Variants in CMSS1 observed in about 807,000 individuals in gnomAD.
CMSS1 encodes cms1 ribosomal small subunit homolog, also known as protein CMSS1.
CMSS1 carries 33 observed loss-of-function variants against 43.5 expected under a neutral mutation model. That is an observed-to-expected ratio of 0.76 (90% CI 0.57 to 1.01). CMSS1 has a LOEUF of 1.01. CMSS1 is among the 50% of genes least tolerant of loss of function. The pLI, the probability that CMSS1 is intolerant of heterozygous loss-of-function variation, is 0.00. For missense variants in CMSS1, 313 were observed against 326.4 expected, an observed-to-expected ratio of 0.96 and a Z score of 0.32; for synonymous variants, 115 against 117.2, an observed-to-expected ratio of 0.98 and a Z score of 0.12.
At chr3:99,879,643 C>G (rs1449905735) in intron 1 of CMSS1, among the ~76,000 whole-genome samples, 1 of 152,186 alleles carries the variant, frequency 6.6e-6, no homozygotes, top group African/African-American at 2.4e-5. Context: ...ATTTTCATTG[C>G]TGGTCCTTTG....
intron 1 of CMSS1, among the ~76,000 whole-genome samples, chr3:100,033,652 A>G (rs1338717326): frequency 3.3e-5 from 5 of 152,208 alleles, no homozygotes; most frequent in Admixed American, 1.3e-4. Flanking sequence ...TTAAATGGTC[A>G]GTAGGAAATT....
At chr3:99,876,388 G>A (rs548776713) in intron 1 of CMSS1, among the ~76,000 whole-genome samples, 1 of 152,144 alleles carries the variant, frequency 6.6e-6, no homozygotes, top group Non-Finnish European at 1.5e-5. Flanking sequence ...ATGAGTGGTG[G>A]GCCGGTGGGC....
At chr3:99,876,476 C>T (rs1484839965) in intron 1 of CMSS1, among the ~76,000 whole-genome samples, 1 of 152,232 alleles carries the variant, frequency 6.6e-6, no homozygotes, top group Non-Finnish European at 1.5e-5. Context: ...TTTTTTCCCT[C>T]TGGGTCCCTA....
chr3:100,129,489 G>A (rs982049012), intron 1 of CMSS1, among the ~76,000 whole-genome samples: 2 of 152,140 alleles, frequency 1.3e-5, no homozygotes, highest in Non-Finnish European at 1.5e-5. Flanking sequence ...TACTTAAGAG[G>A]ATATGTTAAG....
chr3:99,882,573 C>T (rs900578621), intron 1 of CMSS1, among the ~76,000 whole-genome samples: 18 of 152,234 alleles, frequency 1.2e-4, no homozygotes, highest in Non-Finnish European at 1.3e-4. Context: ...TTCTTATTGC[C>T]ACTCTCTGTT....
chr3:100,052,837 G>T (rs962579888), intron 1 of CMSS1, among the ~76,000 whole-genome samples: 5 of 152,064 alleles, frequency 3.3e-5, no homozygotes, highest in African/African-American at 1.2e-4. Context: ...ATTCATATTT[G>T]ATCTTGTTTT....
intron 1 of CMSS1, among the ~76,000 whole-genome samples, chr3:100,047,830 G>T (rs778667062): frequency 6.8e-6 from 1 of 147,050 alleles, no homozygotes; most frequent in African/African-American, 2.5e-5. Flanking sequence ...GAAGGCATTT[G>T]AAAAAAAAAA....
intron 1 of CMSS1, among the ~76,000 whole-genome samples, chr3:100,051,593 G>A (rs1213855992): frequency 2.8e-5 from 4 of 143,440 alleles, no homozygotes; most frequent in Non-Finnish European, 4.5e-5. Flanking sequence ...ACCTATGAGT[G>A]AGAACATGCA....
At chr3:100,079,321 C>A (rs2065897782) in intron 1 of CMSS1, among the ~76,000 whole-genome samples, 1 of 152,154 alleles carries the variant, frequency 6.6e-6, no homozygotes, top group Admixed American at 6.5e-5. Flanking sequence ...GAGGAAATAG[C>A]CTTCACTTCT....
chr3:99,865,269 G>A (rs1194491430), intron 1 of CMSS1, among the ~76,000 whole-genome samples: 1 of 152,190 alleles, frequency 6.6e-6, no homozygotes, highest in Non-Finnish European at 1.5e-5. Context: ...GTCCTGGTGA[G>A]TAATTGGCAG....
chr3:99,892,528 A>T (rs1183887944), intron 1 of CMSS1, among the ~76,000 whole-genome samples: 1 of 151,664 alleles, frequency 6.6e-6, no homozygotes, highest in Non-Finnish European at 1.5e-5. Flanking sequence ...GTTGCCTCTG[A>T]CTCCCTGGTT....
chr3:100,113,006 A>T (rs2066515679), intron 1 of CMSS1, among the ~76,000 whole-genome samples: 1 of 152,252 alleles, frequency 6.6e-6, no homozygotes, highest in African/African-American at 2.4e-5. Flanking sequence ...CATTCTCTCT[A>T]GTATTAACTA....
chr3:100,167,823 A>T lies in CMSS1; in HGVS notation c.501A>T (p.Arg167=). The change falls in exon 6 of 10, where the codon CGA becomes CGT. Residue 167 remains arginine, a synonymous_variant. Transcript: ENST00000421999. ...TGATCATCTGCAGCTCGGCCGTCCG[A>T]GCCCTGGAGCTCATTAGGTTGGAAG... is the stretch of plus-strand genomic sequence containing the variant. ...LMLIICSSAV[R]ALELIRSMTA... 1 of 1,611,572 alleles carries T rather than the reference A, an allele frequency of 6.2e-7. No individual in the cohort carries two copies. Among genetic ancestry groups the T allele is most frequent in the Admixed American group, 1.7e-5 (1 of 59,366 alleles).
chr3:100,134,996 T>A (rs2066739725), intron 1 of CMSS1, among the ~76,000 whole-genome samples: 1 of 152,198 alleles, frequency 6.6e-6, no homozygotes, highest in Non-Finnish European at 1.5e-5. Flanking sequence ...CATTTCTACC[T>A]CTGTAAAACA....
intron 2 of CMSS1, among the ~76,000 whole-genome samples, chr3:100,151,369 T>C (rs2066906548): frequency 6.6e-6 from 1 of 152,218 alleles, no homozygotes; most frequent in Non-Finnish European, 1.5e-5. Flanking sequence ...GCTCTGCTTC[T>C]CTTGTCAGGT....
chr3:99,827,728 C>T (rs891560095), intron 1 of CMSS1, among the ~76,000 whole-genome samples: 4 of 152,172 alleles, frequency 2.6e-5, no homozygotes, highest in African/African-American at 9.7e-5. Flanking sequence ...GCCTCAGCCT[C>T]CGGAGTAGCT....
intron 1 of CMSS1, among the ~76,000 whole-genome samples, chr3:99,927,976 C>T (rs1026502987): frequency 6.6e-6 from 1 of 152,130 alleles, no homozygotes; most frequent in African/African-American, 2.4e-5. Flanking sequence ...AGATAAATCA[C>T]CTCTAGTTTA....
At chr3:100,010,512 G>A (rs897541532) in intron 1 of CMSS1, among the ~76,000 whole-genome samples, 3 of 152,028 alleles carry the variant, frequency 2.0e-5, no homozygotes, top group African/African-American at 7.2e-5. Context: ...CCAACTAAGA[G>A]CAGTGACTTC....
chr3:100,064,665 CT>C (rs1303694652), intron 1 of CMSS1, among the ~76,000 whole-genome samples: 1 of 152,214 alleles, frequency 6.6e-6, no homozygotes, highest in Non-Finnish European at 1.5e-5. Context: ...CCTAATGGAA[CT>C]TTTTATTTCC....
Sources: gnomAD v4.1 joint callset for allele counts (sites outside exome capture counted in the v4.1 genomes callset) on GRCh38, gnomAD v4.1.1 for gene constraint, MANE v1.5 for transcripts, NCBI Gene and HGNC (gene_info 2026-07-23, HGNC 2026-07-21) for gene names.